MICAL2: variants seen among roughly 807,000 people sequenced by gnomAD.
MICAL2 encodes microtubule associated monooxygenase, calponin and LIM domain containing 2, also known as [F-actin]-monooxygenase MICAL2.
A neutral mutation model predicts 127.3 loss-of-function variants in MICAL2; 77 were observed. The ratio of observed to expected loss-of-function variants is 0.60; its 90% CI spans 0.50 to 0.73. The LOEUF is 0.73. MICAL2 is among the 30% of genes least tolerant of loss of function. The probability of loss-of-function intolerance (pLI) is 0.00; values close to 1 mark genes in which losing one functional copy is unlikely to be tolerated. For missense variants in MICAL2, 1,351 were observed against 1,434.4 expected (o/e 0.94, Z 0.94); for synonymous variants, 570 against 551.1 (o/e 1.03, Z -0.48).
At chr11:12,122,690 T>C (rs1850605518) in intron 1 of MICAL2, among the ~76,000 whole-genome samples, 1 of 152,128 alleles carries the variant, frequency 6.6e-6, no homozygotes, top group South Asian at 2.1e-4. Flanking sequence ...ATTACAGGAG[T>C]GAGCCACCGC....
At chr11:12,355,449 A>G (rs996017601) in intron 34 of MICAL2, among the ~76,000 whole-genome samples, 3 of 152,228 alleles carry the variant, frequency 2.0e-5, no homozygotes, top group African/African-American at 4.8e-5. Flanking sequence ...GTATGCATTT[A>G]TTAGTTCCTG....
At chr11:12,195,397 A>G (rs1859763367) in intron 3 of MICAL2, among the ~76,000 whole-genome samples, 1 of 152,256 alleles carries the variant, frequency 6.6e-6, no homozygotes. Flanking sequence ...TAAATTGACT[A>G]GTGAGTAGAA....
intron 15 of MICAL2, among the ~76,000 whole-genome samples, chr11:12,235,515 C>G (rs915218855): frequency 6.6e-6 from 1 of 152,194 alleles, no homozygotes; most frequent in Non-Finnish European, 1.5e-5. Flanking sequence ...CTACCCTCCA[C>G]CTCCAACAAA....
rs1372398278 is a variant in MICAL2, at chr11:12,206,993, T to C, written c.473-1030T>C. ...GAAGGGCGTAGACTTGGTCCATGCT[T>C]TCCATTCAAACCTTCTAACGTCGCA... is the stretch of plus-strand genomic sequence containing the variant. On this transcript the variant is annotated intron_variant, in intron 4 of 27. Coordinates refer to ENST00000683283, the MANE Select transcript of MICAL2 (RefSeq NM_001282663.2). 4.0e-5 allele frequency among the ~76,000 whole-genome samples: 6 copies of C among 150,876 alleles called. No homozygotes were observed. In the Admixed American group the frequency reaches 4.0e-4, roughly 10 times the overall value.
At chr11:12,260,439 T>C in intron 26 of MICAL2, 1 of 1,203,630 alleles carries the variant, frequency 8.3e-7, no homozygotes, top group Non-Finnish European at 1.0e-6. Context: ...TTTTTAATTT[T>C]AATTAGCCCA....
chr11:12,178,858 A>G (rs1482315484), intron 3 of MICAL2, among the ~76,000 whole-genome samples: 1 of 151,178 alleles, frequency 6.6e-6, no homozygotes, highest in African/African-American at 2.4e-5. Flanking sequence ...AGTAGCTGGG[A>G]CTCCAGGCCC....
rs139995870 is a variant in MICAL2 at position 12,232,829 on chromosome 11, G to A, written c.1996-3348G>A. Among the ~76,000 whole-genome samples, 143 of 152,242 alleles carry A rather than the reference G, an allele frequency of 9.4e-4. 1 individual carries two copies. The highest frequency in any genetic ancestry group is 1.2e-4 in the Non-Finnish European group (8 of 68,008). On this transcript the variant is annotated intron_variant, in intron 15 of 27. Transcript: ENST00000683283. Reference sequence around the variant, plus strand: ...CTTATCTGCAGTTTTGCTTTCTAGGGTTTCAGTGACCTGTGTTCACCCATG... The same window carrying A: ...CTTATCTGCAGTTTTGCTTTCTAGGATTTCAGTGACCTGTGTTCACCCATG...
intron 29 of MICAL2, among the ~76,000 whole-genome samples, chr11:12,304,752 C>T (rs556635759): frequency 9.9e-5 from 15 of 151,930 alleles, no homozygotes; most frequent in Non-Finnish European, 1.6e-4. Flanking sequence ...ATTAGGCAGT[C>T]TGTTTTGGGT....
intron 29 of MICAL2, among the ~76,000 whole-genome samples, chr11:12,310,645 T>C (rs75063580): frequency 2.0e-5 from 3 of 152,216 alleles, no homozygotes; most frequent in Non-Finnish European, 2.9e-5. Context: ...AGGAATACTT[T>C]AGCTATTTGG....
At chr11:12,309,952 C>T (rs993522890) in intron 29 of MICAL2, among the ~76,000 whole-genome samples, 3 of 152,030 alleles carry the variant, frequency 2.0e-5, no homozygotes, top group African/African-American at 4.8e-5. Flanking sequence ...TTTTTTCATA[C>T]ACTTGTTGGC....
chr11:12,284,545 T>G (rs1158316703), intron 2 of MICAL2, among the ~76,000 whole-genome samples: 3 of 152,190 alleles, frequency 2.0e-5, no homozygotes, highest in African/African-American at 7.2e-5. Context: ...TCTCTTGAAC[T>G]TTAGCCATTT....
Position 12,316,409 on chromosome 11 carries a change from GT to G in MICAL2, c.5213-3276del, listed in dbSNP as rs544806787. Among the ~76,000 whole-genome samples the G allele has an allele frequency of 3.1e-3, 435 of 141,932 alleles. 5 individuals carry two copies. The highest frequency in any genetic ancestry group is 9.5e-3 in the African/African-American group (369 of 39,006). 93.1% of individuals were successfully genotyped at this position (141,932 alleles called of 152,430 possible). A position where few individuals can be genotyped will look rare whatever the true frequency, so the allele number is the denominator to read the frequency against. ...CCTTGGTTAAATTTATTCCTAGGTG[GT>G]TTTTTTTTTTGAAGTTATTATAAAT... On this transcript the variant is annotated intron_variant, in intron 29 of 34. Coordinates refer to the MICAL2 transcript ENST00000646065.
At chr11:12,244,762 C>T (rs559796142) in intron 21 of MICAL2, among the ~76,000 whole-genome samples, 2 of 152,102 alleles carry the variant, frequency 1.3e-5, no homozygotes, top group South Asian at 2.1e-4. Flanking sequence ...GCAGGGCTTA[C>T]GTGACATGGA....
At position 12,227,057 on chromosome 11, in the gene MICAL2, G is replaced by C. The variant is rs752854056; in HGVS notation, c.1921G>C (p.Asp641His). Residue 641 changes from aspartate (D) to histidine (H), a missense_variant, in exon 15 of 28, where the codon GAC becomes CAC. This residue lies in a region of MICAL2 where 752 missense variants were observed against 719.4 expected (regional missense o/e 1.05). Coordinates refer to ENST00000683283, the MANE Select transcript of MICAL2 (RefSeq NM_001282663.2). The part of the protein sequence containing the change: ...SWRKNYGENA[D>H]LSLAKSSISN... Reference sequence around the variant, plus strand: ...GCGCAAAAACTATGGAGAAAATGCTGACCTCAGCTTGGCCAAATCATCCAT... The same window carrying C: ...GCGCAAAAACTATGGAGAAAATGCTCACCTCAGCTTGGCCAAATCATCCAT... The C allele has an allele frequency of 6.2e-7, 1 of 1,614,102 alleles. No homozygotes were observed. The highest frequency in any genetic ancestry group is 8.5e-7 in the Non-Finnish European group (1 of 1,179,994).
At chr11:12,134,720 T>C (rs1163473689) in intron 1 of MICAL2, among the ~76,000 whole-genome samples, 2 of 152,090 alleles carry the variant, frequency 1.3e-5, no homozygotes, top group African/African-American at 4.8e-5. Context: ...ATGGGATGCA[T>C]AGCTTATGCC....
At chr11:12,257,634 C>T (rs1862497702) in intron 24 of MICAL2, among the ~76,000 whole-genome samples, 1 of 152,196 alleles carries the variant, frequency 6.6e-6, no homozygotes, top group South Asian at 2.1e-4. Context: ...GTTACTTAAA[C>T]TCTTCGTCCC....
At chr11:12,144,029 G>A (rs1417968590) in intron 2 of MICAL2, among the ~76,000 whole-genome samples, 1 of 152,134 alleles carries the variant, frequency 6.6e-6, no homozygotes, top group Non-Finnish European at 1.5e-5. Context: ...ATACCTTGCT[G>A]AGGTCTGCCC....
chr11:12,352,986 CAGT>C (rs1939075979), intron 33 of MICAL2, among the ~76,000 whole-genome samples: 3 of 152,224 alleles, frequency 2.0e-5, no homozygotes, highest in African/African-American at 7.2e-5. Flanking sequence ...TTTGCAGCAG[CAGT>C]GAGCTCATTA....
intron 22 of MICAL2, among the ~76,000 whole-genome samples, chr11:12,251,546 T>C (rs1669962219): frequency 7.2e-6 from 1 of 138,450 alleles, no homozygotes; most frequent in African/African-American, 2.8e-5. Context: ...GACCCAGTAC[T>C]GATTTCCTTA....
Sources: gnomAD v4.1 joint callset for allele counts (sites outside exome capture counted in the v4.1 genomes callset) on GRCh38, gnomAD v4.1.1 for gene constraint, gnomAD v4.1.1 regional missense constraint, MANE v1.5 for transcripts, NCBI Gene and HGNC (gene_info 2026-07-23, HGNC 2026-07-21) for gene names.